The following PSD3 variants were observed in gnomAD, a reference collection of about 807,000 sequenced individuals.
PSD3 encodes the protein pleckstrin and Sec7 domain containing 3.
PSD3 carries 49 observed loss-of-function variants against 105.5 expected under a neutral mutation model. That is an observed-to-expected ratio of 0.46 (90% CI 0.37 to 0.59). The LOEUF (loss-of-function observed/expected upper bound fraction) is 0.59, where lower values mean the gene tolerates loss of function less well. Ranked by LOEUF, PSD3 falls within the 20% of genes least tolerant of loss-of-function variation. PSD3 has a pLI of 0.00. For missense variants in PSD3, 1,561 were observed against 1,263.8 expected (o/e 1.24, Z -3.57); for synonymous variants, 557 against 457.8 (o/e 1.22, Z -2.77).
intron 2 of PSD3, among the ~76,000 whole-genome samples, chr8:18,918,732 G>A (rs1027362406): frequency 6.6e-6 from 1 of 152,032 alleles, no homozygotes; most frequent in Non-Finnish European, 1.5e-5. Context: ...TTCCAGCTAT[G>A]CAACACAGCT....
chr8:18,565,989 G>T (rs1373737847), intron 14 of PSD3, among the ~76,000 whole-genome samples: 1 of 152,056 alleles, frequency 6.6e-6, no homozygotes, highest in Non-Finnish European at 1.5e-5. Flanking sequence ...TGCTGCGCTC[G>T]AATATGCCTG....
chr8:18,763,789 G>A (rs1287016084), intron 9 of PSD3, among the ~76,000 whole-genome samples: 1 of 152,098 alleles, frequency 6.6e-6, no homozygotes. Context: ...GGGTGGGTGA[G>A]CGGCTGGGGT....
chr8:18,856,247 C>G (rs1017939069), intron 4 of PSD3, among the ~76,000 whole-genome samples: 30 of 152,228 alleles, frequency 2.0e-4, no homozygotes, highest in African/African-American at 7.0e-4. Context: ...ACCATGAAGC[C>G]TGGCTCTCTG....
At position 18,527,909 on chromosome 8, in the gene PSD3, G is replaced by A. The variant is rs191828055; in HGVS notation, c.*7834C>T. 6.6e-6 allele frequency: 1 copy of A among 152,272 alleles called. No individual in the cohort carries two copies. Among genetic ancestry groups the A allele is most frequent in the East Asian group, 1.9e-4 (1 of 5,188 alleles). 9.4% of individuals were successfully genotyped at this position (152,272 alleles called of 1,614,324 possible). ...CACTAATTACTTTCACAATTTGCAG[G>A]GGACATATGGCACCAGGACTGCAAT... On this transcript the variant is annotated 3_prime_UTR_variant, in exon 16 of 16. Transcript: ENST00000327040.
At chr8:18,842,508 C>T (rs1369141556) in intron 4 of PSD3, among the ~76,000 whole-genome samples, 2 of 152,036 alleles carry the variant, frequency 1.3e-5, no homozygotes, top group East Asian at 1.9e-4. Flanking sequence ...CCGAGGCGGG[C>T]GGATCACAAG....
rs1479570691 is a variant in PSD3, at chr8:18,575,169, T to C, written c.2598A>G (p.Lys866=). The C allele has an allele frequency of 1.9e-6, 3 of 1,613,674 alleles. No individual in the cohort carries two copies. Among genetic ancestry groups the C allele is most frequent in the Non-Finnish European group, 2.5e-6 (3 of 1,179,856 alleles). Reference sequence around the variant, plus strand: ...AGACCCTCCAGTCGGCAGTTTTAAGTTTAAACACGTTTGGTTTCTTCTCAT... The same window carrying C: ...AGACCCTCCAGTCGGCAGTTTTAAGCTTAAACACGTTTGGTTTCTTCTCAT... ...TDYEKKPNVF[K]LKTADWRVLL... Residue 866 remains lysine (K), a synonymous_variant, in exon 13 of 16, where the codon AAA becomes AAG. Coordinates refer to ENST00000327040, the MANE Select transcript of PSD3 (RefSeq NM_015310.4).
intron 2 of PSD3, among the ~76,000 whole-genome samples, chr8:18,877,339 G>A (rs555455214): frequency 7.9e-5 from 12 of 152,120 alleles, no homozygotes; most frequent in African/African-American, 1.9e-4. Context: ...ATTCATTTTC[G>A]TACATGATGT....
intron 4 of PSD3, among the ~76,000 whole-genome samples, chr8:18,822,430 C>T (rs1317966853): frequency 6.6e-6 from 1 of 152,170 alleles, no homozygotes; most frequent in Non-Finnish European, 1.5e-5. Context: ...AGTACCCCTT[C>T]ACCACCCCCT....
intron 2 of PSD3, among the ~76,000 whole-genome samples, chr8:18,919,022 C>T (rs115661380): frequency 0.012 from 1,861 of 152,170 alleles, 36 homozygotes; most frequent in African/African-American, 0.042. Context: ...AAGGTTTTGC[C>T]TCTTGGATTC....
chr8:18,819,375 G>T (rs554594172), intron 4 of PSD3, among the ~76,000 whole-genome samples: 1 of 152,206 alleles, frequency 6.6e-6, no homozygotes, highest in African/African-American at 2.4e-5. Context: ...CTTCATGAAG[G>T]GAGGGGATGA....
chr8:18,852,624 G>T (rs142662745), intron 4 of PSD3, among the ~76,000 whole-genome samples: 1 of 152,248 alleles, frequency 6.6e-6, no homozygotes, highest in East Asian at 1.9e-4. Context: ...CCCAGCCCCC[G>T]TTGCCACTGA....
At chr8:19,008,186 G>A (rs1826784892) in intron 1 of PSD3, among the ~76,000 whole-genome samples, 2 of 152,328 alleles carry the variant, frequency 1.3e-5, no homozygotes, top group South Asian at 2.1e-4. Flanking sequence ...AGCGGGTGGG[G>A]AAGGTGGCTG....
rs1478638302 is a variant in PSD3, at chr8:18,532,853, T to C, written c.*2890A>G. ...TATGGTCAATTTTGCAACAACACTA[T>C]GACCAAGGCATTCTGATAGCTGTCA... On this transcript the variant is annotated 3_prime_UTR_variant, in exon 16 of 16. Coordinates refer to ENST00000327040, the MANE Select transcript of PSD3 (RefSeq NM_015310.4). 2 of 152,192 alleles carry C rather than the reference T, an allele frequency of 1.3e-5. No homozygotes were observed. The highest frequency in any genetic ancestry group is 2.9e-5 in the Non-Finnish European group (2 of 68,038). The allele number at this position is 152,192 out of a possible 1,614,324, so 9.4% of individuals were successfully genotyped here. A position where few individuals can be genotyped will look rare whatever the true frequency, so the allele number is the denominator to read the frequency against.
chr8:19,006,313 A>AAG (rs1392400581), intron 1 of PSD3, among the ~76,000 whole-genome samples: 1 of 148,060 alleles, frequency 6.8e-6, no homozygotes, highest in Non-Finnish European at 1.5e-5. Flanking sequence ...AAAAAAAAAA[A>AAG]GAATATATAA....
intron 4 of PSD3, among the ~76,000 whole-genome samples, chr8:18,819,990 T>C (rs968711981): frequency 1.3e-5 from 2 of 152,236 alleles, no homozygotes; most frequent in Non-Finnish European, 2.9e-5. Flanking sequence ...CTTGATTTAA[T>C]TGATGTTTAC....
chr8:19,051,703 G>A (rs1233814812), intron 1 of PSD3, among the ~76,000 whole-genome samples: 1 of 152,180 alleles, frequency 6.6e-6, no homozygotes, highest in East Asian at 1.9e-4. Context: ...CAAAGTTGGG[G>A]GATTAGCATG....
chr8:18,888,660 T>G (rs1818587170), intron 2 of PSD3, among the ~76,000 whole-genome samples: 1 of 152,192 alleles, frequency 6.6e-6, no homozygotes, highest in African/African-American at 2.4e-5. Flanking sequence ...AACTACCCAC[T>G]TCTTCCCTTT....
At position 18,530,757 on chromosome 8, in the gene PSD3, G is replaced by A. The variant is rs1563290642; in HGVS notation, c.*4986C>T. 6.6e-6 allele frequency: 1 copy of A among 150,396 alleles called. No individual in the cohort carries two copies. The highest frequency in any genetic ancestry group is 1.5e-5 in the Non-Finnish European group (1 of 67,856). The allele number at this position is 150,396 out of a possible 1,614,324, so 9.3% of individuals were successfully genotyped here. A position where few individuals can be genotyped will look rare whatever the true frequency, so the allele number is the denominator to read the frequency against. On this transcript the variant is annotated 3_prime_UTR_variant, in exon 16 of 16. Coordinates refer to ENST00000327040, the MANE Select transcript of PSD3 (RefSeq NM_015310.4). The stretch of plus-strand genomic sequence containing the variant: ...AGCTATGCCCTTGGTATTGCACACA[G>A]TACACTGCAAAAGATTCACAAGGTT...
At chr8:18,955,950 T>G (rs1203412071) in intron 1 of PSD3, among the ~76,000 whole-genome samples, 2 of 151,904 alleles carry the variant, frequency 1.3e-5, no homozygotes, top group Non-Finnish European at 2.9e-5. Context: ...GTATTTTCAG[T>G]AGACAATGAG....
Sources: allele counts gnomAD v4.1 joint callset (sites outside exome capture counted in the v4.1 genomes callset), GRCh38; gene constraint gnomAD v4.1.1; transcripts MANE v1.5; gene names NCBI Gene and HGNC (gene_info 2026-07-23, HGNC 2026-07-21).